The following AHRR variants were observed in gnomAD, a reference collection of about 807,000 sequenced individuals.
AHRR encodes the protein aryl hydrocarbon receptor repressor.
A neutral mutation model predicts 44.0 loss-of-function variants in AHRR; 28 were observed. The ratio of observed to expected loss-of-function variants is 0.64; its 90% confidence interval spans 0.47 to 0.87. The LOEUF (loss-of-function observed/expected upper bound fraction) is 0.87. Ranked by LOEUF, AHRR falls within the 40% of genes least tolerant of loss-of-function variation. AHRR has a pLI of 0.00. For missense variants in AHRR, 990 were observed against 953.9 expected, an observed-to-expected ratio of 1.04 and a Z score of -0.50; for synonymous variants, 434 against 407.0, an observed-to-expected ratio of 1.07 and a Z score of -0.80.
chr5:376,566 G>GAAAGATGTGAATGAAGGAGAA, intron 3 of AHRR, 44 bp from the exon 4 acceptor site: 8 of 1,517,794 alleles, frequency 5.3e-6, no homozygotes, highest in South Asian at 3.9e-5. Flanking sequence ...GAGTGGCCAG[G>GAAAGATGTGAATGAAGGAGAA]CCAAGGGTTG....
intron 8 of AHRR, among the ~76,000 whole-genome samples, 160 bp downstream of exon 8, chr5:428,166 T>C (rs1421602221): frequency 1.3e-5 from 2 of 152,246 alleles, no homozygotes; most frequent in Non-Finnish European, 2.9e-5. Context: ...GCAGCAGCGA[T>C]TAGATGAAAC....
intron 3 of AHRR, 105 bp from the exon 4 acceptor site, chr5:376,505 G>A: frequency 8.3e-7 from 1 of 1,207,752 alleles, no homozygotes; most frequent in East Asian, 2.6e-5. Context: ...GATGTCAGGT[G>A]AGAACCGTGG....
chr5:328,211 A>T (rs1741781933), intron 1 of AHRR, among the ~76,000 whole-genome samples: 1 of 149,484 alleles, frequency 6.7e-6, no homozygotes, highest in Non-Finnish European at 1.5e-5. Context: ...ATTCCCGCCA[A>T]TAGTGTATGA....
At chr5:328,512 A>G (rs1741801449) in intron 1 of AHRR, among the ~76,000 whole-genome samples, 1 of 151,904 alleles carries the variant, frequency 6.6e-6, no homozygotes, top group Admixed American at 6.6e-5. Flanking sequence ...CGGCCTCCCA[A>G]AGTTCTGGGA....
rs1365133472 is a variant in AHRR at position 387,006 on chromosome 5, G to C, written c.351+10290G>C. On this transcript the variant is annotated intron_variant, in intron 4 of 10. Coordinates refer to ENST00000684583, the MANE Select transcript of AHRR (RefSeq NM_001377236.1). The surrounding 1 kb of genome is among the most constrained non-coding windows in gnomAD (Gnocchi z 5.1). Reference sequence around the variant, plus strand: ...CCCAGTAGTGAGGCTCAGCTCGCAGGTTCTCTCTCCTTCTGGGAGCCTTGT... The same window carrying C: ...CCCAGTAGTGAGGCTCAGCTCGCAGCTTCTCTCTCCTTCTGGGAGCCTTGT... Among the ~76,000 whole-genome samples the C allele has an allele frequency of 1.3e-5, 2 of 152,230 alleles. No homozygotes were observed. The highest frequency in any genetic ancestry group is 4.8e-5 in the African/African-American group (2 of 41,464).
At chr5:364,883 C>T (rs1327910673) in intron 3 of AHRR, among the ~76,000 whole-genome samples, 1 of 151,964 alleles carries the variant, frequency 6.6e-6, no homozygotes, top group Non-Finnish European at 1.5e-5. Flanking sequence ...GGGTAAAAAG[C>T]ATCACTGGAG....
chr5:432,375 T>C, intron 8 of AHRR, 88 bp from the exon 9 acceptor site: 2 of 1,313,946 alleles, frequency 1.5e-6, no homozygotes, highest in Non-Finnish European at 2.2e-6. Flanking sequence ...TACCTGTCAT[T>C]ATTAATTTCT....
At chr5:365,928 GA>G (rs1405920695) in intron 3 of AHRR, among the ~76,000 whole-genome samples, 1 of 152,068 alleles carries the variant, frequency 6.6e-6, no homozygotes, top group East Asian at 1.9e-4. Context: ...AAATAGTAAA[GA>G]AAAAAATAAT....
chr5:376,733 G>A lies in AHRR; in HGVS notation c.351+17G>A. On this transcript the variant is annotated intron_variant, in intron 4 of 10. Transcript: ENST00000684583. Reference sequence around the variant, plus strand: ...CTGTTGGAGGTGAGTGCCACCCTTGGTACCTCGAACACTTGACACTTGGTT... The same window carrying A: ...CTGTTGGAGGTGAGTGCCACCCTTGATACCTCGAACACTTGACACTTGGTT... The A allele has an allele frequency of 6.3e-7, 1 of 1,588,042 alleles. No homozygotes were observed. Among genetic ancestry groups the A allele is most frequent in the Admixed American group, 1.8e-5 (1 of 57,090 alleles).
intron 3 of AHRR, among the ~76,000 whole-genome samples, chr5:375,359 G>A (rs1350882121): frequency 6.6e-6 from 1 of 152,214 alleles, no homozygotes; most frequent in Non-Finnish European, 1.5e-5. Context: ...TGAGCAGTGG[G>A]GTGGAGGCAG....
intron 3 of AHRR, among the ~76,000 whole-genome samples, chr5:365,626 A>C (rs1030232335): frequency 6.6e-6 from 1 of 152,166 alleles, no homozygotes; most frequent in African/African-American, 2.4e-5. Context: ...GAAACATACA[A>C]CAGAGTTCTT....
chr5:355,360 G>A lies in AHRR; in HGVS notation c.244+1449G>A, dbSNP rs894982033. ...CTCCCAGGTTTGCCTTCTGGGACACGCCTTTCATGGATGGCGCAGTGCGGC... is the reference window on the plus strand; with the variant it reads ...CTCCCAGGTTTGCCTTCTGGGACACACCTTTCATGGATGGCGCAGTGCGGC... On this transcript the variant is annotated intron_variant, in intron 3 of 10. Transcript: ENST00000684583. 2.0e-4 allele frequency among the ~76,000 whole-genome samples: 31 copies of A among 152,322 alleles called. 1 individual carries two copies. In the South Asian group the frequency reaches 6.2e-3, roughly 31 times the overall value.
Position 376,612 on chromosome 5 carries a change from G to A in AHRR, c.247G>A (p.Val83Met), listed in dbSNP as rs201403478. 46 of 1,112,638 alleles carry A rather than the reference G, an allele frequency of 4.1e-5. No homozygotes were observed. The Middle Eastern group carries it at 1.4e-3, about 35-fold the overall frequency. 68.9% of individuals were successfully genotyped at this position (1,112,638 alleles called of 1,614,324 possible). A position where few individuals can be genotyped will look rare whatever the true frequency, so the allele number is the denominator to read the frequency against. ...YLRVKSFFQV[V>M]QEQSSRQPAA... Reference sequence around the variant, plus strand: ...ATGTGTCTTTTCTTCTCTGACAGTCGTGCAGGAGCAGAGCTCACGGCAGCC... The same window carrying A: ...ATGTGTCTTTTCTTCTCTGACAGTCATGCAGGAGCAGAGCTCACGGCAGCC... The change falls in exon 4 of 11, where the codon GTG becomes ATG. Residue 83 changes from valine to methionine, a missense_variant and splice_region_variant. Transcript: ENST00000684583.
chr5:425,538 A>T (rs567827216), intron 7 of AHRR, among the ~76,000 whole-genome samples: 26 of 152,266 alleles, frequency 1.7e-4, no homozygotes, highest in African/African-American at 5.3e-4. Context: ...TTTGTTCTAA[A>T]TTTTGAGGAA....
intron 3 of AHRR, among the ~76,000 whole-genome samples, chr5:367,343 G>A (rs1042287039): frequency 7.2e-5 from 11 of 152,234 alleles, no homozygotes; most frequent in African/African-American, 2.7e-4. Flanking sequence ...GGCAAGTCAC[G>A]TCTTTTAGGA....
chr5:414,119 T>C (rs986193898), intron 5 of AHRR, among the ~76,000 whole-genome samples: 1 of 152,000 alleles, frequency 6.6e-6, no homozygotes, highest in Non-Finnish European at 1.5e-5. Flanking sequence ...AAAAATTAGC[T>C]GGGTGTGGTG....
chr5:343,691 G>A (rs768802708), intron 1 of AHRR: 15 of 535,478 alleles, frequency 2.8e-5, no homozygotes, highest in Non-Finnish European at 4.2e-5. Context: ...GGCGTGACCC[G>A]GCCCCGGTGG....
At chr5:324,810 C>T (rs1435817880) in intron 1 of AHRR, among the ~76,000 whole-genome samples, 2 of 152,000 alleles carry the variant, frequency 1.3e-5, no homozygotes, top group African/African-American at 4.8e-5. Context: ...AAACAAAAAA[C>T]GAAAAACCCA....
At chr5:423,407 G>C (rs1736224149) in intron 6 of AHRR, among the ~76,000 whole-genome samples, 1 of 152,176 alleles carries the variant, frequency 6.6e-6, no homozygotes, top group African/African-American at 2.4e-5. Flanking sequence ...TGGGACAGTT[G>C]CATCTGGGCT....
Sources: allele counts gnomAD v4.1 joint callset (sites outside exome capture counted in the v4.1 genomes callset), GRCh38; gene constraint gnomAD v4.1.1; non-coding constraint Gnocchi (gnomAD v3.1); transcripts MANE v1.5; gene names NCBI Gene and HGNC (gene_info 2026-07-23, HGNC 2026-07-21).